CTXN2: variants seen among roughly 807,000 people sequenced by gnomAD.
CTXN2 encodes the protein cortexin 2.
Under a neutral mutation model 5.7 loss-of-function variants are expected in CTXN2, and 3 were observed. The ratio of observed to expected loss-of-function variants is 0.53; its 90% CI spans 0.24 to 1.36. The LOEUF (loss-of-function observed/expected upper bound fraction) is 1.36. CTXN2 is among the 40% of genes most tolerant of loss of function. The pLI is 0.17. For missense variants in CTXN2, 87 were observed against 93.0 expected, an observed-to-expected ratio of 0.94 and a Z score of 0.26; for synonymous variants, 38 against 36.4, an observed-to-expected ratio of 1.04 and a Z score of -0.16.
At chr15:48,187,741 G>A (rs1458691161), upstream of CTXN2, among the ~76,000 whole-genome samples, 1 of 152,058 alleles carries the variant, frequency 6.6e-6, no homozygotes, top group Non-Finnish European at 1.5e-5. Flanking sequence ...ATTACAGTTG[G>A]GCTATCATGC....
At chr15:48,187,668 C>T (rs1336242351), upstream of CTXN2, among the ~76,000 whole-genome samples, 1 of 152,130 alleles carries the variant, frequency 6.6e-6, no homozygotes, top group Non-Finnish European at 1.5e-5. Flanking sequence ...ATCCTGAGCT[C>T]AGTTGTTAGA....
intron 1 of CTXN2, among the ~76,000 whole-genome samples, chr15:48,183,897 GA>G (rs2040723634): frequency 2.0e-5 from 3 of 152,170 alleles, no homozygotes; most frequent in Non-Finnish European, 4.4e-5. Flanking sequence ...TCAGCACTCT[GA>G]ATATTTCTGG....
chr15:48,191,141 C>T (rs879901068), upstream of CTXN2: 2 of 152,440 alleles, frequency 1.3e-5, no homozygotes, highest in Non-Finnish European at 2.9e-5. Context: ...CCAAACGACA[C>T]ATTCAGTCTC....
chr15:48,187,510 TAG>T (rs1341525355), upstream of CTXN2, among the ~76,000 whole-genome samples: 2 of 152,186 alleles, frequency 1.3e-5, no homozygotes, highest in African/African-American at 4.8e-5. Context: ...AAACAAGACG[TAG>T]ATTTTCCTGA....
At chr15:48,189,019 AG>A (rs1375867849), upstream of CTXN2, 1 of 152,232 alleles carries the variant, frequency 6.6e-6, no homozygotes, top group Non-Finnish European at 1.5e-5. Context: ...CTCAGCATCT[AG>A]CAAAGAAAGT....
chr15:48,201,556 C>T lies in CTXN2; in HGVS notation c.*10C>T, dbSNP rs1432362531. ...ATATGCACTCGCGTGAGAGTTCCAGCTATATGGTTTTTATGGTTGTGCCAT... is the reference window on the plus strand; with the variant it reads ...ATATGCACTCGCGTGAGAGTTCCAGTTATATGGTTTTTATGGTTGTGCCAT... On this transcript the variant is annotated 3_prime_UTR_variant, in exon 2 of 2. Transcript: ENST00000417307. 6 of 1,550,236 alleles carry T rather than the reference C, an allele frequency of 3.9e-6. No individual in the cohort carries two copies. The highest frequency in any genetic ancestry group is 5.2e-6 in the Non-Finnish European group (6 of 1,145,980).
chr15:48,198,437 G>A (rs2040899150), intron 1 of CTXN2, among the ~76,000 whole-genome samples: 1 of 151,978 alleles, frequency 6.6e-6, no homozygotes, highest in South Asian at 2.1e-4. Flanking sequence ...CAGTGTGCTG[G>A]GAACTGTGAT....
At position 48,191,864 on chromosome 15, in the gene CTXN2, G is replaced by A. The variant is rs923088945; in HGVS notation, c.-58+11G>A. On this transcript the variant is annotated intron_variant, in intron 1 of 1. Coordinates refer to ENST00000417307, the MANE Select transcript of CTXN2 (RefSeq NM_001145668.2). ...CAACAAGCATGGAAGGTGAGACATC[G>A]CTGTCTGCGAAGTAACTTTCTCCCC... 11 of 455,144 alleles carry A rather than the reference G, an allele frequency of 2.4e-5. No homozygotes were observed. Among genetic ancestry groups the A allele is most frequent in the Middle Eastern group, 6.5e-4 (2 of 3,054 alleles). 28.2% of individuals were successfully genotyped at this position (455,144 alleles called of 1,614,324 possible). A position where few individuals can be genotyped will look rare whatever the true frequency, so the allele number is the denominator to read the frequency against.
upstream of CTXN2, among the ~76,000 whole-genome samples, chr15:48,187,160 TC>T (rs200703015): frequency 9.2e-3 from 1,375 of 149,164 alleles, 25 homozygotes; most frequent in African/African-American, 0.033. Context: ...TTCTTATTCC[TC>T]CCCCCGAAAC....
At chr15:48,201,195 C>A in intron 1 of CTXN2, 49 bp from the exon 2 acceptor site, 5 of 1,163,410 alleles carry the variant, frequency 4.3e-6, no homozygotes, top group Non-Finnish European at 6.1e-6. Flanking sequence ...AACAACCTAC[C>A]CAATACCATA....
intron 1 of CTXN2, among the ~76,000 whole-genome samples, chr15:48,195,389 A>G (rs949791478): frequency 5.3e-5 from 8 of 151,994 alleles, no homozygotes; most frequent in Non-Finnish European, 1.2e-4. Context: ...CTCTCCCTCA[A>G]AATTATGTCT....
At chr15:48,187,065 T>A (rs1422463582), upstream of CTXN2, among the ~76,000 whole-genome samples, 1 of 152,138 alleles carries the variant, frequency 6.6e-6, no homozygotes, top group Non-Finnish European at 1.5e-5. Flanking sequence ...CAGAGATCCA[T>A]GAATACCTGA....
chr15:48,182,907 C>G (rs1292009494), intron 1 of CTXN2, among the ~76,000 whole-genome samples: 2 of 152,170 alleles, frequency 1.3e-5, no homozygotes, highest in African/African-American at 2.4e-5. Context: ...CCTGTAACAA[C>G]AAGATAAGTC....
At chr15:48,198,555 A>G (rs1016534327) in intron 1 of CTXN2, among the ~76,000 whole-genome samples, 1 of 152,192 alleles carries the variant, frequency 6.6e-6, no homozygotes, top group Non-Finnish European at 1.5e-5. Context: ...TATGATGGAC[A>G]TATTATATTC....
At chr15:48,191,464 G>T, upstream of CTXN2, 1 of 268,706 alleles carries the variant, frequency 3.7e-6, no homozygotes, top group Non-Finnish European at 7.6e-6. Context: ...CAGAACTGAA[G>T]AATAGAGCCT....
chr15:48,178,898 T>A (rs1384516892), intron 1 of CTXN2, among the ~76,000 whole-genome samples: 1 of 151,964 alleles, frequency 6.6e-6, no homozygotes, highest in Non-Finnish European at 1.5e-5. Flanking sequence ...AACTATCAGC[T>A]TAGTAAGAGA....
intron 1 of CTXN2, among the ~76,000 whole-genome samples, chr15:48,185,932 T>G (rs2040748955): frequency 6.6e-6 from 1 of 152,198 alleles, no homozygotes; most frequent in South Asian, 2.1e-4. Flanking sequence ...ATAAAACAAT[T>G]GATTTCCACA....
At chr15:48,187,861 T>C (rs1368566125), upstream of CTXN2, among the ~76,000 whole-genome samples, 6 of 152,122 alleles carry the variant, frequency 3.9e-5, no homozygotes, top group East Asian at 1.2e-3. Flanking sequence ...ATTTAGAGTA[T>C]AAAAATAGCA....
upstream of CTXN2, among the ~76,000 whole-genome samples, chr15:48,188,574 C>G (rs970872731): frequency 3.9e-5 from 6 of 152,162 alleles, no homozygotes; most frequent in African/African-American, 1.4e-4. Flanking sequence ...AAGCTGGCTA[C>G]TGTTTCACAT....
Sources: allele counts gnomAD v4.1 joint callset (sites outside exome capture counted in the v4.1 genomes callset), GRCh38; gene constraint gnomAD v4.1.1; transcripts MANE v1.5; gene names NCBI Gene and HGNC (gene_info 2026-07-23, HGNC 2026-07-21).